Variants in CYB5R3 observed in about 807,000 individuals in gnomAD.
The protein encoded by CYB5R3 is NADH-cytochrome b5 reductase 3.
A neutral mutation model predicts 36.5 loss-of-function variants in CYB5R3; 28 were observed. The observed-to-expected ratio is 0.77, with a 90% CI of 0.57 to 1.05. CYB5R3 has a LOEUF of 1.05. CYB5R3 is among the 50% of genes least tolerant of loss of function. The probability of loss-of-function intolerance (pLI) is 0.00; values close to 1 mark genes in which losing one functional copy is unlikely to be tolerated. For synonymous variants in CYB5R3, 181 were observed against 159.8 expected, an observed-to-expected ratio of 1.13 and a Z score of -1.00; for missense variants, 474 against 408.9, an observed-to-expected ratio of 1.16 and a Z score of -1.37.
At chr22:42,620,959 C>T (rs1415629577) in intron 8 of CYB5R3, among the ~76,000 whole-genome samples, 1 of 152,208 alleles carries the variant, frequency 6.6e-6, no homozygotes, top group Non-Finnish European at 1.5e-5. Flanking sequence ...TTTTCTTTCA[C>T]TCCCACTTTC....
intron 7 of CYB5R3, among the ~76,000 whole-genome samples, chr22:42,626,483 C>T (rs767384976): frequency 6.6e-6 from 1 of 152,178 alleles, no homozygotes; most frequent in Non-Finnish European, 1.5e-5. Flanking sequence ...GACGGTCTGA[C>T]GGCCTCCACA....
At chr22:42,623,073 A>G (rs1053383747) in intron 8 of CYB5R3, among the ~76,000 whole-genome samples, 1 of 152,194 alleles carries the variant, frequency 6.6e-6, no homozygotes, top group Non-Finnish European at 1.5e-5. Flanking sequence ...GCCACTCCCT[A>G]GTCTCTCAGC....
intron 1 of CYB5R3, 26 bp from the exon 2 acceptor site, chr22:42,636,872 A>G (rs199960946): frequency 1.9e-5 from 31 of 1,610,414 alleles, no homozygotes; most frequent in African/African-American, 1.9e-4. Context: ...CCGCGGGGTC[A>G]GTGCAGGAGC....
intron 1 of CYB5R3, chr22:42,640,019 A>G: frequency 6.2e-7 from 1 of 1,613,270 alleles, no homozygotes; most frequent in South Asian, 1.1e-5. Flanking sequence ...ACATAAAACC[A>G]CGTCGACACC....
chr22:42,627,690 T>G lies in CYB5R3; in HGVS notation c.464-2A>C, dbSNP rs794728013. 12 of 1,610,050 alleles carry G rather than the reference T, an allele frequency of 7.5e-6. No individual in the cohort carries two copies. In the African/African-American group the frequency reaches 1.6e-4, roughly 22 times the overall value. ...TGTCAGGTCGGATGGCGAACTTCCC[T>G]GGGGAGAGAGAAGGGGTGAGGCCCG... On this transcript the variant is annotated splice_acceptor_variant, in intron 5 of 8. Coordinates refer to ENST00000352397, the MANE Select transcript of CYB5R3 (RefSeq NM_000398.7). LOFTEE classifies it high-confidence loss of function.
chr22:42,632,039 C>G (rs1928648891), intron 2 of CYB5R3: 1 of 156,808 alleles, frequency 6.4e-6, no homozygotes, highest in Non-Finnish European at 1.4e-5. Context: ...AGGGTGGGCA[C>G]CCAGGGCATG....
At chr22:42,621,216 GTGTT>G (rs1352271588) in intron 8 of CYB5R3, among the ~76,000 whole-genome samples, 1 of 147,098 alleles carries the variant, frequency 6.8e-6, no homozygotes, top group African/African-American at 2.6e-5. Flanking sequence ...GTGTGTGTGT[GTGTT>G]TTTAAGAGAC....
chr22:42,649,241 C>T, intron 1 of CYB5R3, 54 bp downstream of exon 1: 2 of 842,490 alleles, frequency 2.4e-6, no homozygotes, highest in Non-Finnish European at 3.0e-6. Context: ...CCCTCGCCGC[C>T]GGGTCCCAGT....
intron 1 of CYB5R3, among the ~76,000 whole-genome samples, chr22:42,637,175 C>T (rs966988146): frequency 6.6e-6 from 1 of 152,210 alleles, no homozygotes; most frequent in South Asian, 2.1e-4. Context: ...TACTAGGAAG[C>T]TCAGAGTAAA....
At chr22:42,637,959 T>TA (rs1308658316) in intron 1 of CYB5R3, among the ~76,000 whole-genome samples, 1 of 152,062 alleles carries the variant, frequency 6.6e-6, no homozygotes, top group Non-Finnish European at 1.5e-5. Flanking sequence ...CTGAAGGCCC[T>TA]AAAAGGGGGC....
chr22:42,629,562 G>C (rs1928498756), intron 4 of CYB5R3, among the ~76,000 whole-genome samples: 1 of 152,302 alleles, frequency 6.6e-6, no homozygotes, highest in South Asian at 2.1e-4. Flanking sequence ...CCAGGCCTGG[G>C]CGCCCCAGCA....
At chr22:42,634,085 C>T (rs1399092693) in intron 2 of CYB5R3, among the ~76,000 whole-genome samples, 2 of 152,160 alleles carry the variant, frequency 1.3e-5, no homozygotes, top group African/African-American at 4.8e-5. Context: ...GGCACGGTGG[C>T]TCACGCCTGT....
chr22:42,628,192 C>T lies in CYB5R3; in HGVS notation c.423G>A (p.Glu141=). ...LESMQIGDTI[E]FRGPSGLLVY... ...CCAGCAGCCCACTGGGGCCCCGGAA[C>T]TCAATGGTGTCTCCAATCTGCATGC... Residue 141 remains glutamate, a synonymous_variant, in exon 5 of 9, where the codon GAG becomes GAA. Transcript: ENST00000352397. The T allele has an allele frequency of 6.2e-7, 1 of 1,614,158 alleles. No homozygotes were observed. Among genetic ancestry groups the T allele is most frequent in the Non-Finnish European group, 8.5e-7 (1 of 1,180,016 alleles).
chr22:42,642,181 A>T (rs1929312122), intron 1 of CYB5R3, among the ~76,000 whole-genome samples: 1 of 151,236 alleles, frequency 6.6e-6, no homozygotes. Context: ...GCGTGATCTC[A>T]GCTCACTATA....
chr22:42,621,673 T>C (rs1927980176), intron 8 of CYB5R3, among the ~76,000 whole-genome samples: 1 of 152,246 alleles, frequency 6.6e-6, no homozygotes, highest in African/African-American at 2.4e-5. Context: ...CCCGTGGTGG[T>C]GGTGCAGGTG....
At chr22:42,648,948 AC>A (rs1929647396) in intron 1 of CYB5R3, among the ~76,000 whole-genome samples, 1 of 151,886 alleles carries the variant, frequency 6.6e-6, no homozygotes, top group South Asian at 2.1e-4. Context: ...TCACACACTC[AC>A]ACTCAGCGGC....
chr22:42,639,834 C>G, intron 1 of CYB5R3: 1 of 1,098,906 alleles, frequency 9.1e-7, no homozygotes, highest in East Asian at 2.7e-5. Context: ...GTTGGAACTG[C>G]TTGATTCACT....
chr22:42,642,534 G>C (rs1255962964), intron 1 of CYB5R3, among the ~76,000 whole-genome samples: 1 of 152,160 alleles, frequency 6.6e-6, no homozygotes, highest in Non-Finnish European at 1.5e-5. Context: ...TGCCTCCTGG[G>C]TTCACACCAT....
intron 2 of CYB5R3, among the ~76,000 whole-genome samples, chr22:42,635,098 C>T (rs1354363149): frequency 6.7e-6 from 1 of 148,404 alleles, no homozygotes; most frequent in Non-Finnish European, 1.5e-5. Flanking sequence ...GCCTCGCCAG[C>T]GGCTGGGACT....
Sources: gnomAD v4.1 joint callset for allele counts (sites outside exome capture counted in the v4.1 genomes callset) on GRCh38, gnomAD v4.1.1 for gene constraint, MANE v1.5 for transcripts, NCBI Gene and HGNC (gene_info 2026-07-23, HGNC 2026-07-21) for gene names.